AGAP1: variants seen among roughly 807,000 people sequenced by gnomAD.
AGAP1 encodes the protein ArfGAP with GTPase domain, ankyrin repeat and PH domain 1.
A neutral mutation model predicts 105.3 loss-of-function variants in AGAP1; 29 were observed. The observed-to-expected ratio is 0.28, with a 90% CI of 0.21 to 0.38. The LOEUF is 0.38. Among genes scored for constraint, AGAP1 ranks in the 10% least tolerant of loss-of-function variants. The pLI, the probability that AGAP1 is intolerant of heterozygous loss-of-function variation, is 1.00. For missense variants in AGAP1, 998 were observed against 1,165.1 expected, an observed-to-expected ratio of 0.86 and a Z score of 2.09; for synonymous variants, 509 against 485.9, an observed-to-expected ratio of 1.05 and a Z score of -0.63.
At chr2:235,997,185 G>A (rs2125487145) in intron 13 of AGAP1, among the ~76,000 whole-genome samples, 1 of 152,286 alleles carries the variant, frequency 6.6e-6, no homozygotes, top group South Asian at 2.1e-4. Flanking sequence ...TGCCTCCCAG[G>A]TTCAAGTGAT....
intron 6 of AGAP1, among the ~76,000 whole-genome samples, chr2:235,781,642 T>C (rs1956270068): frequency 6.6e-6 from 1 of 152,198 alleles, no homozygotes; most frequent in African/African-American, 2.4e-5. Context: ...ATTCACAGTC[T>C]CGGAGGCACC....
intron 16 of AGAP1, among the ~76,000 whole-genome samples, chr2:236,115,253 C>A (rs1417024538): frequency 6.6e-6 from 1 of 152,196 alleles, no homozygotes; most frequent in Non-Finnish European, 1.5e-5. Flanking sequence ...GCAGGGGAAC[C>A]ACTGTGGCCA....
rs566435886 is a variant in AGAP1 at position 236,014,562 on chromosome 2, C to T, written c.1646-21999C>T. ...CTTCTGCGCGTGGGTAGTTCTTTGA[C>T]GTTAGATGCAATCCTGATGACCCTG... On this transcript the variant is annotated intron_variant, in intron 13 of 17. Coordinates refer to ENST00000304032, the MANE Select transcript of AGAP1 (RefSeq NM_001037131.3). The surrounding 1 kb of genome is among the most constrained non-coding windows in gnomAD (Gnocchi z 6.3). Among the ~76,000 whole-genome samples, 3 of 152,290 alleles carry T rather than the reference C, an allele frequency of 2.0e-5. No individual in the cohort carries two copies. The highest frequency in any genetic ancestry group is 3.9e-4 in the East Asian group (2 of 5,150).
chr2:235,767,106 T>G (rs1456124603), intron 6 of AGAP1, among the ~76,000 whole-genome samples: 2 of 152,102 alleles, frequency 1.3e-5, no homozygotes, highest in Admixed American at 6.6e-5. Context: ...AAATGGGATT[T>G]CGACATCTTG....
chr2:235,682,820 T>TGTGTGTG (rs1949157943), intron 1 of AGAP1, among the ~76,000 whole-genome samples: 1 of 57,006 alleles, frequency 1.8e-5, no homozygotes, highest in East Asian at 4.8e-4. Context: ...GTGTGTGTGT[T>TGTGTGTG]TTCAGGCAGC....
intron 16 of AGAP1, among the ~76,000 whole-genome samples, chr2:236,103,182 C>G (rs994319219): frequency 6.6e-6 from 1 of 152,234 alleles, no homozygotes; most frequent in African/African-American, 2.4e-5. Flanking sequence ...ACCAGCACCT[C>G]TGTCCCGTTC....
At position 236,057,557 on chromosome 2, in the gene AGAP1, C is replaced by G. The variant is rs553443387; in HGVS notation, c.2114+8276C>G. 4.1e-4 allele frequency among the ~76,000 whole-genome samples: 62 copies of G among 152,272 alleles called. 1 individual carries two copies. The highest frequency in any genetic ancestry group is 3.4e-3 in the Middle Eastern group (1 of 294). ...ACACAAGTGCAGGGTTAGAGCCCCC[C>G]CCTCAACCCCCGTGTTTCACGTAAC... On this transcript the variant is annotated intron_variant, in intron 16 of 17. Transcript: ENST00000304032.
chr2:236,102,599 AAAG>A (rs1482501410), intron 16 of AGAP1, among the ~76,000 whole-genome samples: 4 of 151,360 alleles, frequency 2.6e-5, no homozygotes, highest in African/African-American at 7.3e-5. Context: ...AAAAAAAAAA[AAAG>A]AAAGAAAGAA....
In AGAP1 at chr2:235,807,155, G is replaced by A. The variant is rs1957879008; in HGVS notation, c.958-84G>A. Reference sequence around the variant, plus strand: ...CGCGCATGTTTTCTAAATGTGTATTGGCAGGAATTCTGCAAACAGGGGCAG... The same window carrying A: ...CGCGCATGTTTTCTAAATGTGTATTAGCAGGAATTCTGCAAACAGGGGCAG... On this transcript the variant is annotated intron_variant, in intron 8 of 17. Transcript: ENST00000304032. 1.7e-5 allele frequency: 23 copies of A among 1,370,540 alleles called. No individual in the cohort carries two copies. The South Asian group carries it at 2.9e-4, about 17-fold the overall frequency. 84.9% of individuals were successfully genotyped at this position (1,370,540 alleles called of 1,614,324 possible).
Position 235,747,059 on chromosome 2 carries a change from T to A in AGAP1, c.538+2220T>A, listed in dbSNP as rs1655131777. Among the ~76,000 whole-genome samples, 1 of 152,128 alleles carries A rather than the reference T, an allele frequency of 6.6e-6. No individual in the cohort carries two copies. Among genetic ancestry groups the A allele is most frequent in the East Asian group, 1.9e-4 (1 of 5,174 alleles). Reference sequence around the variant, plus strand: ...GAATTCCCAGAAGACACTCAGTGCATCCGTGGGTATGTGATAGGCATCTTA... The same window carrying A: ...GAATTCCCAGAAGACACTCAGTGCAACCGTGGGTATGTGATAGGCATCTTA... On this transcript the variant is annotated intron_variant, in intron 5 of 17. Transcript: ENST00000304032. The surrounding 1 kb of genome is among the most constrained non-coding windows in gnomAD (Gnocchi z 5.0).
intron 13 of AGAP1, among the ~76,000 whole-genome samples, chr2:236,016,290 G>T (rs1168970223): frequency 6.6e-6 from 1 of 150,502 alleles, no homozygotes; most frequent in African/African-American, 2.4e-5. Flanking sequence ...AAGGGTATTA[G>T]TATACTCTTT....
chr2:236,099,761 T>C (rs1443331368), intron 16 of AGAP1, among the ~76,000 whole-genome samples: 1 of 152,036 alleles, frequency 6.6e-6, no homozygotes, highest in African/African-American at 2.4e-5. Context: ...AATTTGAGGC[T>C]GGGCGCAGTG....
chr2:235,837,473 C>G (rs1210884003), intron 9 of AGAP1, among the ~76,000 whole-genome samples: 7 of 152,150 alleles, frequency 4.6e-5, no homozygotes, highest in Admixed American at 4.6e-4. Flanking sequence ...CTGCTAGGTC[C>G]AGGGCCCTAA....
At chr2:235,876,846 CT>C (rs34849687) in intron 9 of AGAP1, among the ~76,000 whole-genome samples, 40,387 of 131,276 alleles carry the variant, frequency 0.31, 5,931 homozygotes, top group South Asian at 0.57. Flanking sequence ...GGTGTGGAAC[CT>C]TTTTTTTTTT....
At chr2:235,643,449 A>G (rs1428082745) in intron 1 of AGAP1, among the ~76,000 whole-genome samples, 7 of 150,762 alleles carry the variant, frequency 4.6e-5, no homozygotes, top group Admixed American at 3.3e-4. Flanking sequence ...AAAAAAAAAA[A>G]AAAAAAAAAA....
rs1024909540 is a variant in AGAP1 at position 235,608,887 on chromosome 2, G to A, written c.164-100292G>A. Among the ~76,000 whole-genome samples, 4 of 152,100 alleles carry A rather than the reference G, an allele frequency of 2.6e-5. No individual in the cohort carries two copies. Among genetic ancestry groups the A allele is most frequent in the South Asian group, 2.1e-4 (1 of 4,828 alleles). On this transcript the variant is annotated intron_variant, in intron 1 of 17. Transcript: ENST00000304032. This position sits in a 1 kb window ranked among gnomAD's most constrained non-coding sequence, Gnocchi z 5.4. ...GAGCTGGCATGACCCACTTTTGACC[G>A]TAAAACCTTTCAGCTTGTTCTTGAC...
At chr2:235,778,021 T>G (rs1956012460) in intron 6 of AGAP1, among the ~76,000 whole-genome samples, 1 of 152,172 alleles carries the variant, frequency 6.6e-6, no homozygotes, top group Non-Finnish European at 1.5e-5. Context: ...TCTGTGTGTT[T>G]CACCGAGGCA....
intron 1 of AGAP1, among the ~76,000 whole-genome samples, chr2:235,627,129 A>G (rs201935457): frequency 1.7e-4 from 26 of 148,640 alleles, no homozygotes; most frequent in East Asian, 1.4e-3. Flanking sequence ...AATTCAGTCT[A>G]TCTTATAAAG....
intron 1 of AGAP1, among the ~76,000 whole-genome samples, chr2:235,636,681 A>C (rs980900718): frequency 6.6e-6 from 1 of 152,150 alleles, no homozygotes; most frequent in African/African-American, 2.4e-5. Context: ...CGGCCTGACC[A>C]AGTCGTCGTG....
Sources: gnomAD v4.1 joint callset for allele counts (sites outside exome capture counted in the v4.1 genomes callset) on GRCh38, gnomAD v4.1.1 for gene constraint, Gnocchi (gnomAD v3.1) non-coding constraint, MANE v1.5 for transcripts, NCBI Gene and HGNC (gene_info 2026-07-23, HGNC 2026-07-21) for gene names.